Variants in KREMEN1 observed in about 807,000 individuals in gnomAD.
KREMEN1 encodes the protein kringle containing transmembrane protein 1.
A neutral mutation model predicts 46.5 loss-of-function variants in KREMEN1; 30 were observed. That is an observed-to-expected ratio of 0.65 (90% CI 0.48 to 0.88). The LOEUF (loss-of-function observed/expected upper bound fraction) is 0.88, where lower values mean the gene tolerates loss of function less well. Ranked by LOEUF, KREMEN1 falls within the 40% of genes least tolerant of loss-of-function variation. KREMEN1 has a pLI of 0.00. For missense variants in KREMEN1, 533 were observed against 596.9 expected, an observed-to-expected ratio of 0.89 and a Z score of 1.11; for synonymous variants, 214 against 230.6, an observed-to-expected ratio of 0.93 and a Z score of 0.65.
At chr22:29,085,708 C>T (rs2037718141) in intron 1 of KREMEN1, among the ~76,000 whole-genome samples, 1 of 152,136 alleles carries the variant, frequency 6.6e-6, no homozygotes, top group Non-Finnish European at 1.5e-5. Flanking sequence ...GGCACAATAG[C>T]TCTTGCCTGT....
intron 1 of KREMEN1, among the ~76,000 whole-genome samples, chr22:29,088,306 T>C (rs368794901): frequency 2.7e-5 from 4 of 149,890 alleles, no homozygotes; most frequent in East Asian, 4.0e-4. Context: ...CACGCGTGCA[T>C]ACACACACAC....
intron 3 of KREMEN1, among the ~76,000 whole-genome samples, chr22:29,104,869 G>T (rs1389114324): frequency 1.3e-5 from 2 of 152,154 alleles, no homozygotes; most frequent in African/African-American, 4.8e-5. Context: ...ACTGCAGCCT[G>T]GGCGACAGAG....
intron 9 of KREMEN1, among the ~76,000 whole-genome samples, chr22:29,155,018 GA>G (rs76306445): frequency 2.0e-5 from 3 of 148,322 alleles, no homozygotes; most frequent in Admixed American, 6.7e-5. Flanking sequence ...CAAAGGCAAT[GA>G]AAAAAAAAGA....
Position 29,142,620 on chromosome 22 carries a change from C to T in KREMEN1, c.*508C>T, listed in dbSNP as rs1007532584. On this transcript the variant is annotated 3_prime_UTR_variant, in exon 9 of 9. Transcript: ENST00000400335. ...CTTGGGAGTTGGTCCCATACAAGTG[C>T]GGACTCCTGGACATTAGCGAGGTGT... is the stretch of plus-strand genomic sequence containing the variant. 59 of 985,550 alleles carry T rather than the reference C, an allele frequency of 6.0e-5. No individual in the cohort carries two copies. In the Admixed American group the frequency reaches 2.3e-3, roughly 38 times the overall value. 61.1% of individuals were successfully genotyped at this position (985,550 alleles called of 1,614,324 possible).
chr22:29,161,798 A>T (rs1433217636), intron 9 of KREMEN1, among the ~76,000 whole-genome samples: 1 of 151,974 alleles, frequency 6.6e-6, no homozygotes, highest in Non-Finnish European at 1.5e-5. Flanking sequence ...TCCTCAACAA[A>T]ATACTAGCAA....
intron 5 of KREMEN1, among the ~76,000 whole-genome samples, chr22:29,125,854 T>C (rs2038433827): frequency 6.6e-6 from 1 of 152,120 alleles, no homozygotes; most frequent in Non-Finnish European, 1.5e-5. Context: ...AGCGTAGCTC[T>C]AAGTTGTTTT....
chr22:29,128,726 A>G lies in KREMEN1; in HGVS notation c.631+3310A>G, dbSNP rs183721674. ...GATGCCAAGTGCTTTTGTGAATTTT[A>G]TGTTATTTAATCCTTGTAGCAATCC... On this transcript the variant is annotated intron_variant, in intron 5 of 8. Coordinates refer to ENST00000400335, the MANE Select transcript of KREMEN1 (RefSeq NM_001039570.3). 2.5e-3 allele frequency among the ~76,000 whole-genome samples: 377 copies of G among 152,280 alleles called. 5 individuals carry two copies. Among genetic ancestry groups the G allele is most frequent in the Admixed American group, 7.0e-3 (107 of 15,296 alleles).
intron 3 of KREMEN1, 49 bp downstream of exon 3, chr22:29,099,002 A>G (rs2037930753): frequency 6.6e-6 from 9 of 1,371,948 alleles, no homozygotes; most frequent in Non-Finnish European, 7.3e-6. Context: ...GTGAACACTA[A>G]GAGTGCGTAG....
At chr22:29,113,455 T>G (rs1463408491) in intron 3 of KREMEN1, among the ~76,000 whole-genome samples, 1 of 152,272 alleles carries the variant, frequency 6.6e-6, no homozygotes, top group Non-Finnish European at 1.5e-5. Flanking sequence ...AAGTTGTTCT[T>G]GTTTGTGTGG....
At chr22:29,163,336 AG>A (rs2145877111) in intron 9 of KREMEN1, among the ~76,000 whole-genome samples, 1 of 152,208 alleles carries the variant, frequency 6.6e-6, no homozygotes, top group Non-Finnish European at 1.5e-5. Flanking sequence ...GAGTCAATTA[AG>A]CCTCTTTCCT....
At chr22:29,106,157 A>C (rs532763314) in intron 3 of KREMEN1, among the ~76,000 whole-genome samples, 2 of 151,882 alleles carry the variant, frequency 1.3e-5, no homozygotes, top group Non-Finnish European at 2.9e-5. Flanking sequence ...ACTGCTTTCT[A>C]GTATGTTTCA....
intron 1 of KREMEN1, among the ~76,000 whole-genome samples, chr22:29,078,671 A>T (rs1385820254): frequency 6.6e-6 from 1 of 152,258 alleles, no homozygotes; most frequent in East Asian, 1.9e-4. Context: ...ATTCAAACAT[A>T]CCAAGTTGAT....
intron 1 of KREMEN1, among the ~76,000 whole-genome samples, chr22:29,077,418 C>T (rs1291657064): frequency 1.3e-5 from 2 of 152,190 alleles, no homozygotes; most frequent in South Asian, 2.1e-4. Context: ...GGCGCAATCT[C>T]GGCTCACTGC....
chr22:29,120,093 G>C (rs2038312424), intron 3 of KREMEN1, among the ~76,000 whole-genome samples: 1 of 123,494 alleles, frequency 8.1e-6, no homozygotes, highest in Non-Finnish European at 1.8e-5. Context: ...ATGGAGGAGG[G>C]AGAGGTGATG....
chr22:29,141,800 C>G, intron 8 of KREMEN1, 144 bp from the exon 9 acceptor site: 1 of 540,310 alleles, frequency 1.9e-6, no homozygotes, highest in East Asian at 3.4e-5. Context: ...CAGTTGCACG[C>G]TAGTCCTTCA....
chr22:29,121,405 T>A lies in KREMEN1; in HGVS notation c.401T>A (p.Leu134Gln). Residue 134 changes from leucine (L) to glutamine (Q), a missense_variant, in exon 4 of 9, where the codon CTA (leucine) becomes CAA (glutamine). Coordinates refer to ENST00000400335, the MANE Select transcript of KREMEN1 (RefSeq NM_001039570.3). Reference protein sequence around the residue: ...CYKDHGNPPPLTGTSKTSNKL... With the variant: ...CYKDHGNPPPQTGTSKTSNKL... ...AAGGATCATGGAAACCCACCTCCTCTAACTGGCACCAGTAAAACGTCCAAC... is the reference window on the plus strand; with the variant it reads ...AAGGATCATGGAAACCCACCTCCTCAAACTGGCACCAGTAAAACGTCCAAC... 1 of 1,614,122 alleles carries A rather than the reference T, an allele frequency of 6.2e-7. No homozygotes were observed. The highest frequency in any genetic ancestry group is 8.5e-7 in the Non-Finnish European group (1 of 1,179,990).
At chr22:29,082,378 G>A (rs1238862951) in intron 1 of KREMEN1, among the ~76,000 whole-genome samples, 1 of 152,142 alleles carries the variant, frequency 6.6e-6, no homozygotes, top group South Asian at 2.1e-4. Flanking sequence ...CCTTTAAATA[G>A]CAGAGTCCCT....
At position 29,114,467 on chromosome 22, in the gene KREMEN1, C is replaced by G. The variant is rs975726104; in HGVS notation, c.353-6890C>G. ...CACCATTGTACTCCAGCCTGTGCAA[C>G]AAGAGTGAAACTCCGTGTCAAAAAA... On this transcript the variant is annotated intron_variant, in intron 3 of 8. Coordinates refer to ENST00000400335, the MANE Select transcript of KREMEN1 (RefSeq NM_001039570.3). 2.8e-5 allele frequency among the ~76,000 whole-genome samples: 3 copies of G among 107,906 alleles called. No individual in the cohort carries two copies. In the South Asian group the frequency reaches 9.0e-4, roughly 32 times the overall value. 70.8% of individuals were successfully genotyped at this position (107,906 alleles called of 152,430 possible).
At chr22:29,160,715 G>A (rs2039003520) in intron 9 of KREMEN1, among the ~76,000 whole-genome samples, 1 of 152,056 alleles carries the variant, frequency 6.6e-6, no homozygotes, top group Non-Finnish European at 1.5e-5. Context: ...AAAATCTCTG[G>A]GATGCAGCAA....
Sources: allele counts gnomAD v4.1 joint callset (sites outside exome capture counted in the v4.1 genomes callset), GRCh38; gene constraint gnomAD v4.1.1; transcripts MANE v1.5; gene names NCBI Gene and HGNC (gene_info 2026-07-23, HGNC 2026-07-21).